The following ABCC12 variants were observed in gnomAD, a reference collection of about 807,000 sequenced individuals.
The protein encoded by ABCC12 is ATP binding cassette subfamily C member 12, also known as ATP-binding cassette sub-family C member 12.
ABCC12 carries 142 observed loss-of-function variants against 151.1 expected under a neutral mutation model. The observed-to-expected ratio is 0.94, with a 90% confidence interval of 0.82 to 1.08. The LOEUF is 1.08. ABCC12 is among the 50% of genes least tolerant of loss of function. ABCC12 has a pLI of 0.00. For synonymous variants in ABCC12, 645 were observed against 646.4 expected (o/e 1.00, Z 0.03); for missense variants, 1,638 against 1,691.1 (o/e 0.97, Z 0.55).
rs1402203713 is a variant in ABCC12, at chr16:48,083,705, G to C, written c.*10C>G. On this transcript the variant is annotated 3_prime_UTR_variant, in exon 31 of 31. Transcript: ENST00000311303. ...GCCTCTTCCTCCTCTAGAATCAGCC[G>C]CCAGGACCTCTACAATCTGACTTCT... 2 of 1,613,732 alleles carry C rather than the reference G, an allele frequency of 1.2e-6. No individual in the cohort carries two copies. Among genetic ancestry groups the C allele is most frequent in the East Asian group, 2.2e-5 (1 of 44,890 alleles).
chr16:48,103,852 C>G (rs543239647), intron 22 of ABCC12, among the ~76,000 whole-genome samples: 49 of 152,338 alleles, frequency 3.2e-4, no homozygotes, highest in Non-Finnish European at 6.8e-4. Flanking sequence ...CTCAGAGCAG[C>G]AACGGTAGAG....
At chr16:48,098,942 G>T (rs1825511825) in intron 23 of ABCC12, among the ~76,000 whole-genome samples, 1 of 152,176 alleles carries the variant, frequency 6.6e-6, no homozygotes, top group South Asian at 2.1e-4. Context: ...TTTCCTCATG[G>T]CCAGGACTTT....
chr16:48,107,311 G>A lies in ABCC12; in HGVS notation c.2475+11C>T, dbSNP rs1963526934. On this transcript the variant is annotated intron_variant, in intron 20 of 30. Transcript: ENST00000311303. ...AGACTCGGCATCTTCCAATGCCAAA[G>A]GGAAACTCACCCGTGAGCCCTTGTC... 2 of 1,613,220 alleles carry A rather than the reference G, an allele frequency of 1.2e-6. No homozygotes were observed. The highest frequency in any genetic ancestry group is 2.2e-5 in the East Asian group (1 of 44,870).
chr16:48,121,848 A>G lies in ABCC12; in HGVS notation c.1588-8T>C. The G allele has an allele frequency of 6.2e-7, 1 of 1,614,132 alleles. No homozygotes were observed. Among genetic ancestry groups the G allele is most frequent in the Non-Finnish European group, 8.5e-7 (1 of 1,180,000 alleles). On this transcript the variant is annotated splice_polypyrimidine_tract_variant and splice_region_variant and intron_variant, in intron 12 of 30. Coordinates refer to ENST00000311303, the MANE Select transcript of ABCC12 (RefSeq NM_001393797.1). ...CCCTTTCTGCAGCTGCATCTGGAAC[A>G]ACAAGACGGGAGAAGCTTCAGGAGC...
intron 9 of ABCC12, 78 bp downstream of exon 9, chr16:48,133,609 G>A (rs1380977735): frequency 9.8e-6 from 15 of 1,525,152 alleles, no homozygotes; most frequent in South Asian, 3.7e-5. Flanking sequence ...AGTATTGAGC[G>A]ACGGTAGGAA....
At chr16:48,143,385 C>G (rs1306655092) in intron 4 of ABCC12, among the ~76,000 whole-genome samples, 1 of 152,208 alleles carries the variant, frequency 6.6e-6, no homozygotes, top group Non-Finnish European at 1.5e-5. Context: ...TTCATGCAGT[C>G]CAGCCCAAAT....
intron 2 of ABCC12, among the ~76,000 whole-genome samples, chr16:48,149,555 A>G (rs1184951280): frequency 6.6e-6 from 1 of 152,232 alleles, no homozygotes; most frequent in Non-Finnish European, 1.5e-5. Context: ...AGAGATATGT[A>G]TTTATGATCT....
rs1313001721 is a variant in ABCC12, at chr16:48,083,883, G to A, written c.3993+26C>T. ...CTCAAACCACTGGACTTTCTGGGGA[G>A]GTGAAGCCAAAAGAGCTTCCTATAC... On this transcript the variant is annotated intron_variant, in intron 30 of 30. Coordinates refer to ENST00000311303, the MANE Select transcript of ABCC12 (RefSeq NM_001393797.1). 3 of 1,612,490 alleles carry A rather than the reference G, an allele frequency of 1.9e-6. No homozygotes were observed. The African/African-American group carries it at 4.0e-5, about 22-fold the overall frequency.
At chr16:48,144,216 G>T in intron 3 of ABCC12, 151 bp from the exon 4 acceptor site, 2 of 1,030,072 alleles carry the variant, frequency 1.9e-6, no homozygotes, top group Non-Finnish European at 2.7e-6. Flanking sequence ...TTTGAGCAGT[G>T]ATGTGCTGGG....
At chr16:48,137,753 A>C (rs1964660097) in intron 8 of ABCC12, among the ~76,000 whole-genome samples, 1 of 152,226 alleles carries the variant, frequency 6.6e-6, no homozygotes, top group African/African-American at 2.4e-5. Flanking sequence ...ATCAGCTTTA[A>C]AAAAAGTAAA....
intron 7 of ABCC12, 30 bp from the exon 8 acceptor site, chr16:48,138,405 G>C: frequency 6.3e-7 from 1 of 1,591,426 alleles, no homozygotes; most frequent in Non-Finnish European, 8.6e-7. Flanking sequence ...ACTGTTTTCA[G>C]AGAGAAGTGC....
At chr16:48,144,172 A>T (rs1964923123) in intron 3 of ABCC12, 107 bp from the exon 4 acceptor site, 1 of 1,344,484 alleles carries the variant, frequency 7.4e-7, no homozygotes, top group East Asian at 2.4e-5. Flanking sequence ...TGCACTCAGA[A>T]TCTGTGACTT....
chr16:48,129,314 A>G (rs1272274917), intron 10 of ABCC12, among the ~76,000 whole-genome samples: 3 of 152,160 alleles, frequency 2.0e-5, no homozygotes, highest in Non-Finnish European at 4.4e-5. Context: ...ACTGCCAGAG[A>G]AGGGACACTT....
chr16:48,144,104 G>T (rs765597590), intron 3 of ABCC12, 39 bp from the exon 4 acceptor site: 2 of 1,583,938 alleles, frequency 1.3e-6, no homozygotes, highest in South Asian at 1.1e-5. Context: ...CAGGCACTGG[G>T]GTCATTGCCC....
At chr16:48,086,964 A>G (rs1370078701) in intron 27 of ABCC12, 145 bp from the exon 28 acceptor site, 11 of 695,414 alleles carry the variant, frequency 1.6e-5, no homozygotes, top group Non-Finnish European at 2.6e-6. Context: ...TCAGTACAGG[A>G]CAGTGGTCCA....
intron 5 of ABCC12, 35 bp from the exon 6 acceptor site, chr16:48,140,955 A>C (rs748296765): frequency 1.3e-6 from 2 of 1,589,322 alleles, no homozygotes; most frequent in South Asian, 1.1e-5. Context: ...AGAGAGGGCC[A>C]CTGAGGGCTG....
In ABCC12 at chr16:48,086,773, G is replaced by A. The variant is rs370225180; in HGVS notation, c.3682C>T (p.Gln1228Ter). ...FESHTDEMLW[Q>*]VLERTFMRDT... ...CTCATGAATGTTCTCTCCAGAACCT[G>A]CCAGAGCATCTCATCGGTGTGACTC... Residue 1228 changes from glutamine to a stop codon, truncating the protein, a stop_gained, in exon 28 of 31, where the codon CAG becomes TAG. Transcript: ENST00000311303. LOFTEE classifies it high-confidence loss of function. 1 of 1,613,968 alleles carries A rather than the reference G, an allele frequency of 6.2e-7. No homozygotes were observed. Among genetic ancestry groups the A allele is most frequent in the South Asian group, 1.1e-5 (1 of 91,068 alleles).
At position 48,090,496 on chromosome 16, in the gene ABCC12, G is replaced by T. The variant is rs916039691; in HGVS notation, c.3285+624C>A. 4.7e-5 allele frequency among the ~76,000 whole-genome samples: 7 copies of T among 149,106 alleles called. No individual in the cohort carries two copies. The East Asian group carries it at 1.2e-3, about 25-fold the overall frequency. ...TGGCTTCAAGCATTCCTCCTGCCTC[G>T]GTCTCCAAAAGTGTTGAGATTACAG... On this transcript the variant is annotated intron_variant, in intron 25 of 30. Coordinates refer to ENST00000311303, the MANE Select transcript of ABCC12 (RefSeq NM_001393797.1).
chr16:48,110,026 G>A (rs1963630794), intron 18 of ABCC12, among the ~76,000 whole-genome samples: 1 of 152,212 alleles, frequency 6.6e-6, no homozygotes. Context: ...TGAGTGATGA[G>A]GAAGTGAGGA....
Sources: gnomAD v4.1 joint callset for allele counts (sites outside exome capture counted in the v4.1 genomes callset) on GRCh38, gnomAD v4.1.1 for gene constraint, MANE v1.5 for transcripts, NCBI Gene and HGNC (gene_info 2026-07-23, HGNC 2026-07-21) for gene names.